Variants in KCNB2 observed in about 807,000 individuals in gnomAD.
KCNB2 encodes the protein delayed rectifier potassium channel protein.
In KCNB2, 15 loss-of-function variants were observed where a neutral mutation model predicts 61.5. The ratio of observed to expected loss-of-function variants is 0.24; its 90% confidence interval spans 0.16 to 0.38. The LOEUF is 0.38. Among genes scored for constraint, KCNB2 ranks in the 10% least tolerant of loss-of-function variants. KCNB2 has a pLI of 1.00. For synonymous variants in KCNB2, 457 were observed against 446.0 expected (o/e 1.02, Z -0.31); for missense variants, 828 against 1,125.2 (o/e 0.74, Z 3.78).
At chr8:72,873,734 A>C (rs1288458946) in intron 2 of KCNB2, among the ~76,000 whole-genome samples, 7 of 152,250 alleles carry the variant, frequency 4.6e-5, no homozygotes, top group Admixed American at 4.6e-4. Flanking sequence ...ATGGTCCTAC[A>C]CAATGTAGTG....
intron 1 of KCNB2, among the ~76,000 whole-genome samples, chr8:72,559,513 T>A (rs1186874493): frequency 6.6e-6 from 1 of 152,120 alleles, no homozygotes; most frequent in Non-Finnish European, 1.5e-5. Flanking sequence ...GGCCCTGACC[T>A]GCTGGGGTTT....
chr8:72,835,877 C>A (rs905853671), intron 2 of KCNB2, among the ~76,000 whole-genome samples: 1 of 152,184 alleles, frequency 6.6e-6, no homozygotes, highest in Non-Finnish European at 1.5e-5. Context: ...TAGCTGTGAA[C>A]CTGAACAGAC....
At chr8:72,825,241 GCT>G (rs1809577664) in intron 2 of KCNB2, among the ~76,000 whole-genome samples, 2 of 152,102 alleles carry the variant, frequency 1.3e-5, no homozygotes, top group African/African-American at 4.8e-5. Flanking sequence ...CCTTTTTAAG[GCT>G]AAATAATATT....
intron 1 of KCNB2, among the ~76,000 whole-genome samples, chr8:72,560,474 C>T (rs1806494547): frequency 6.6e-6 from 1 of 152,116 alleles, no homozygotes; most frequent in African/African-American, 2.4e-5. Flanking sequence ...GTTTCCCATT[C>T]CTTTCAGTAG....
At position 72,936,839 on chromosome 8, in the gene KCNB2, C is replaced by T; in HGVS notation, c.1484C>T (p.Ala495Val). The T allele has an allele frequency of 1.9e-6, 3 of 1,614,078 alleles. No homozygotes were observed. The stretch of plus-strand genomic sequence containing the variant: ...CTGTCGCCAAGCCGGTGGAAGTGGG[C>T]CAGGAAGGCTCTGTCGGAAACAAGC... ...NHLSPSRWKW[A>V]RKALSETSSN... Residue 495 changes from alanine to valine, a missense_variant, in exon 3 of 3, where the codon GCC (alanine) becomes GTC (valine). Ala to Val is a moderately conservative substitution (Grantham distance 64, BLOSUM62 0). Transcript: ENST00000523207. This position sits in a 1 kb window ranked among gnomAD's most constrained non-coding sequence, Gnocchi z 5.6.
At chr8:72,657,627 T>C (rs947741963) in intron 2 of KCNB2, among the ~76,000 whole-genome samples, 1 of 152,134 alleles carries the variant, frequency 6.6e-6, no homozygotes, top group African/African-American at 2.4e-5. Context: ...TTCTATCCAG[T>C]TTCCACTGAG....
intron 2 of KCNB2, among the ~76,000 whole-genome samples, chr8:72,702,128 A>AGG (rs1807141146): frequency 6.6e-6 from 1 of 152,138 alleles, no homozygotes; most frequent in African/African-American, 2.4e-5. Context: ...TGAAGCCAAA[A>AGG]TCCCACCCCA....
chr8:72,831,308 A>G (rs1407136331), intron 2 of KCNB2, among the ~76,000 whole-genome samples: 4 of 152,260 alleles, frequency 2.6e-5, no homozygotes, highest in Non-Finnish European at 5.9e-5. Context: ...TAAAATATGA[A>G]TGCCCAAAGA....
chr8:72,601,123 T>C (rs1805344846), intron 2 of KCNB2, among the ~76,000 whole-genome samples: 1 of 152,200 alleles, frequency 6.6e-6, no homozygotes, highest in South Asian at 2.1e-4. Flanking sequence ...ATTTTTTATA[T>C]GTTTTAGTTG....
At chr8:72,681,104 C>T (rs999525146) in intron 2 of KCNB2, among the ~76,000 whole-genome samples, 11 of 152,104 alleles carry the variant, frequency 7.2e-5, no homozygotes, top group Admixed American at 2.6e-4. Flanking sequence ...AAGTCAAAGA[C>T]GACCCTCAAA....
In KCNB2 at chr8:72,779,824, A is replaced by G. The variant is rs74764130; in HGVS notation, c.580-156111A>G. Among the ~76,000 whole-genome samples, 736 of 152,294 alleles carry G rather than the reference A, an allele frequency of 4.8e-3. 26 individuals carry two copies. The East Asian group carries it at 0.1, about 21-fold the overall frequency. ...TTCTCAGCTCAGCACAAAACTGAAT[A>G]ATGAGAGCTGTATAAAAATGACTGC... On this transcript the variant is annotated intron_variant, in intron 2 of 2. Transcript: ENST00000523207.
chr8:72,852,497 G>A (rs990785236), intron 2 of KCNB2, among the ~76,000 whole-genome samples: 2 of 151,998 alleles, frequency 1.3e-5, no homozygotes, highest in Non-Finnish European at 2.9e-5. Context: ...ATATTGCAGG[G>A]CCCGTAGTTC....
intron 2 of KCNB2, among the ~76,000 whole-genome samples, chr8:72,810,357 A>G (rs1809287277): frequency 1.3e-5 from 2 of 152,232 alleles, no homozygotes; most frequent in Non-Finnish European, 2.9e-5. Context: ...TCGCTGATAA[A>G]CAGAGATTTG....
intron 2 of KCNB2, among the ~76,000 whole-genome samples, chr8:72,796,957 A>G (rs1489453255): frequency 2.0e-5 from 3 of 152,190 alleles, no homozygotes; most frequent in African/African-American, 7.2e-5. Context: ...TACTCTCAGA[A>G]ATGTTTTTAG....
intron 2 of KCNB2, among the ~76,000 whole-genome samples, chr8:72,902,614 A>T (rs1308931100): frequency 1.3e-5 from 2 of 152,196 alleles, no homozygotes; most frequent in Non-Finnish European, 2.9e-5. Context: ...CACTCTGATA[A>T]GGCCTATTGC....
intron 2 of KCNB2, among the ~76,000 whole-genome samples, chr8:72,636,042 G>A (rs746130366): frequency 3.3e-5 from 5 of 152,154 alleles, no homozygotes; most frequent in Non-Finnish European, 7.3e-5. Context: ...GATTAGAACG[G>A]TGCATGGCAT....
At chr8:72,883,087 A>G (rs571961387) in intron 2 of KCNB2, among the ~76,000 whole-genome samples, 126 of 152,258 alleles carry the variant, frequency 8.3e-4, no homozygotes, top group African/African-American at 2.8e-3. Context: ...CGCTTTTACA[A>G]TATGATGCGA....
intron 2 of KCNB2, among the ~76,000 whole-genome samples, chr8:72,895,510 G>A (rs920511185): frequency 2.6e-5 from 4 of 152,178 alleles, no homozygotes; most frequent in Admixed American, 6.5e-5. Flanking sequence ...AGCTCAGTGA[G>A]ATCCATGTCA....
chr8:72,799,983 A>G (rs1179875772), intron 2 of KCNB2, among the ~76,000 whole-genome samples: 2 of 152,142 alleles, frequency 1.3e-5, no homozygotes, highest in South Asian at 2.1e-4. Context: ...ATAAGAGAAC[A>G]TTGGGCTAGC....
Sources: allele counts gnomAD v4.1 joint callset (sites outside exome capture counted in the v4.1 genomes callset), GRCh38; gene constraint gnomAD v4.1.1; non-coding constraint Gnocchi (gnomAD v3.1); transcripts MANE v1.5; gene names NCBI Gene and HGNC (gene_info 2026-07-23, HGNC 2026-07-21).